ACSL5: variants seen among roughly 807,000 people sequenced by gnomAD.
ACSL5 encodes the protein long-chain-fatty-acid--CoA ligase 5.
In ACSL5, 50 loss-of-function variants were observed where a neutral mutation model predicts 84.9. The ratio of observed to expected loss-of-function variants is 0.59; its 90% CI spans 0.47 to 0.75. The LOEUF is 0.75. Ranked by LOEUF, ACSL5 falls within the 30% of genes least tolerant of loss-of-function variation. The pLI is 0.00. For missense variants in ACSL5, 775 were observed against 830.4 expected (o/e 0.93, Z 0.82); for synonymous variants, 280 against 300.7 (o/e 0.93, Z 0.71).
intron 17 of ACSL5, among the ~76,000 whole-genome samples, chr10:112,422,970 C>T (rs1320754029): frequency 1.3e-5 from 2 of 149,294 alleles, no homozygotes; most frequent in African/African-American, 4.9e-5. Flanking sequence ...GGGCGGATCA[C>T]AAGGTCAGGA....
chr10:112,377,908 T>A (rs1011248863), intron 1 of ACSL5, among the ~76,000 whole-genome samples: 16 of 152,228 alleles, frequency 1.1e-4, no homozygotes, highest in Non-Finnish European at 2.1e-4. Flanking sequence ...ATACCCCAGA[T>A]AAATGCATTC....
At chr10:112,376,316 G>T (rs199838168) in intron 1 of ACSL5, 2 of 1,614,122 alleles carry the variant, frequency 1.2e-6, no homozygotes, top group Non-Finnish European at 1.7e-6. Flanking sequence ...CTGCATGGAC[G>T]CTCTGAAGCC....
chr10:112,377,667 C>T (rs1271490611), intron 1 of ACSL5, among the ~76,000 whole-genome samples: 1 of 152,096 alleles, frequency 6.6e-6, no homozygotes, highest in African/African-American at 2.4e-5. Context: ...TAGTCCCCTC[C>T]GATTGATCAG....
At chr10:112,411,802 C>T in intron 10 of ACSL5, 100 bp from the exon 11 acceptor site, 1 of 1,124,250 alleles carries the variant, frequency 8.9e-7, no homozygotes, top group Non-Finnish European at 1.3e-6. Context: ...ATACAGCTGT[C>T]TGTGGTAGTC....
chr10:112,410,265 A>T (rs1434385923), intron 7 of ACSL5, 198 bp from the exon 8 acceptor site: 9 of 1,538,172 alleles, frequency 5.9e-6, no homozygotes, highest in Non-Finnish European at 7.9e-6. Flanking sequence ...TAGGTAGATG[A>T]TTTTCTAGAG....
intron 19 of ACSL5, 131 bp downstream of exon 19, chr10:112,426,490 G>C (rs1428589265): frequency 2.8e-6 from 2 of 705,874 alleles, no homozygotes; most frequent in African/African-American, 3.6e-5. Flanking sequence ...TGGGACTCGG[G>C]GATAGGATGG....
intron 1 of ACSL5, among the ~76,000 whole-genome samples, chr10:112,386,647 T>C (rs1449662829): frequency 1.3e-5 from 2 of 152,256 alleles, no homozygotes; most frequent in Non-Finnish European, 2.9e-5. Context: ...TTTTAGTTCC[T>C]AAGAAAGCCT....
chr10:112,425,312 C>T, intron 17 of ACSL5, 26 bp from the exon 18 acceptor site: 3 of 1,583,722 alleles, frequency 1.9e-6, no homozygotes, highest in Non-Finnish European at 2.6e-6. Context: ...CTCAAAAATA[C>T]TGATACTTTT....
chr10:112,383,084 C>T (rs1336472347), intron 1 of ACSL5, among the ~76,000 whole-genome samples: 1 of 152,136 alleles, frequency 6.6e-6, no homozygotes, highest in African/African-American at 2.4e-5. Context: ...GGCTGGGCAA[C>T]TTAGGGAGAC....
chr10:112,401,985 CT>C (rs924136728), intron 3 of ACSL5, among the ~76,000 whole-genome samples: 1 of 144,730 alleles, frequency 6.9e-6, no homozygotes, highest in African/African-American at 2.5e-5. Context: ...GTCTTTCTTT[CT>C]TCAGGGTCTG....
intron 5 of ACSL5, chr10:112,406,755 T>C (rs1271759914): frequency 2.0e-5 from 3 of 152,146 alleles, no homozygotes; most frequent in African/African-American, 7.2e-5. Flanking sequence ...CTTACAATCA[T>C]GGCGGAAGGG....
intron 17 of ACSL5, among the ~76,000 whole-genome samples, chr10:112,423,950 ACT>A (rs766594770): frequency 1.1e-4 from 16 of 152,144 alleles, no homozygotes; most frequent in Non-Finnish European, 1.5e-4. Context: ...ACATAGCAAG[ACT>A]CTGTGTCTAC....
chr10:112,378,808 T>G (rs1849293312), intron 1 of ACSL5, among the ~76,000 whole-genome samples: 1 of 152,228 alleles, frequency 6.6e-6, no homozygotes, highest in Admixed American at 6.5e-5. Context: ...AAAGGGACTC[T>G]CTCACCAACT....
At chr10:112,410,681 A>G (rs1844157775) in intron 9 of ACSL5, 46 bp downstream of exon 9, 1 of 1,583,070 alleles carries the variant, frequency 6.3e-7, no homozygotes, top group South Asian at 1.1e-5. Flanking sequence ...TCAGCCAAGA[A>G]CATGGCTTCA....
chr10:112,418,284 T>A (rs987222986), intron 14 of ACSL5, among the ~76,000 whole-genome samples: 12 of 152,148 alleles, frequency 7.9e-5, no homozygotes, highest in Admixed American at 5.9e-4. Context: ...AATTCATGTA[T>A]AATACTTGAC....
At chr10:112,408,299 A>AG in intron 5 of ACSL5, 123 bp from the exon 6 acceptor site, 19 of 96,930 alleles carry the variant, frequency 2.0e-4, no homozygotes, top group Non-Finnish European at 3.2e-4. Context: ...GCACTGTCTC[A>AG]AAAAAAAAAA....
chr10:112,376,668 A>C (rs1307919136), intron 1 of ACSL5, among the ~76,000 whole-genome samples: 1 of 152,036 alleles, frequency 6.6e-6, no homozygotes, highest in Non-Finnish European at 1.5e-5. Flanking sequence ...TGGGGCATGC[A>C]TGGGGCTCAC....
rs181481302 is a variant in ACSL5, at chr10:112,387,209, C to T, written c.-29-7709C>T. ...AAGCAAGATCATTGTCTCAAATCAC[C>T]TCATCTGTCATATCCCTAGTAGAAG... On this transcript the variant is annotated intron_variant, in intron 1 of 20. Transcript: ENST00000354655. Among the ~76,000 whole-genome samples the T allele has an allele frequency of 2.0e-3, 302 of 152,274 alleles. 5 individuals are homozygous for T. In the Middle Eastern group the frequency reaches 0.041, roughly 21 times the overall value.
intron 2 of ACSL5, among the ~76,000 whole-genome samples, chr10:112,396,818 A>T (rs1309753198): frequency 6.6e-6 from 1 of 152,190 alleles, no homozygotes; most frequent in Non-Finnish European, 1.5e-5. Context: ...AGGCACTTAA[A>T]CAGACAGCAA....
Sources: gnomAD v4.1 joint callset for allele counts (sites outside exome capture counted in the v4.1 genomes callset) on GRCh38, gnomAD v4.1.1 for gene constraint, MANE v1.5 for transcripts, NCBI Gene and HGNC (gene_info 2026-07-23, HGNC 2026-07-21) for gene names.